HHIP: variants seen among roughly 807,000 people sequenced by gnomAD.
The protein encoded by HHIP is hedgehog interacting protein.
HHIP carries 12 observed loss-of-function variants against 74.0 expected under a neutral mutation model. The observed-to-expected ratio is 0.16, with a 90% CI of 0.10 to 0.26. The LOEUF (loss-of-function observed/expected upper bound fraction) is 0.26, where lower values mean the gene tolerates loss of function less well. HHIP is among the 10% of genes least tolerant of loss of function. HHIP has a pLI of 1.00. For missense variants in HHIP, 788 were observed against 845.0 expected, an observed-to-expected ratio of 0.93 and a Z score of 0.84; for synonymous variants, 309 against 311.6, an observed-to-expected ratio of 0.99 and a Z score of 0.09.
chr4:144,682,653 T>C (rs1057398050), intron 4 of HHIP, among the ~76,000 whole-genome samples: 3 of 152,270 alleles, frequency 2.0e-5, no homozygotes, highest in Admixed American at 1.3e-4. Context: ...ATTACTGCTA[T>C]TGACTATTAG....
Position 144,698,094 on chromosome 4 carries a change from C to T in HHIP, c.832-8437C>T, listed in dbSNP as rs17019632. On this transcript the variant is annotated intron_variant, in intron 4 of 12. Coordinates refer to ENST00000296575, the MANE Select transcript of HHIP (RefSeq NM_022475.3). ...GAAAATCCTAAACATAGATTTGACACGGACCAATCGCTACATACCAGAGAT... is the reference window on the plus strand; with the variant it reads ...GAAAATCCTAAACATAGATTTGACATGGACCAATCGCTACATACCAGAGAT... Among the ~76,000 whole-genome samples the T allele has an allele frequency of 5.9e-3, 898 of 152,232 alleles. 8 individuals are homozygous for T. Among genetic ancestry groups the T allele is most frequent in the African/African-American group, 0.021 (866 of 41,542 alleles).
chr4:144,689,425 T>C (rs1729582944), intron 4 of HHIP, among the ~76,000 whole-genome samples: 1 of 152,202 alleles, frequency 6.6e-6, no homozygotes, highest in Non-Finnish European at 1.5e-5. Flanking sequence ...GCTTAATACT[T>C]TGCCTGATGT....
rs571861447 is a variant in HHIP, at chr4:144,721,626, C to A, written c.1760+2670C>A. On this transcript the variant is annotated intron_variant, in intron 11 of 12. Coordinates refer to ENST00000296575, the MANE Select transcript of HHIP (RefSeq NM_022475.3). ...AAAAAAAAAAAACTTCCAGGCCGGG[C>A]GTGGTGGCTCACGCCTGTAATCCCA... 2.0e-5 allele frequency among the ~76,000 whole-genome samples: 3 copies of A among 149,464 alleles called. No individual in the cohort carries two copies. The East Asian group carries it at 5.9e-4, about 29-fold the overall frequency.
chr4:144,691,111 T>C (rs1560707939), intron 4 of HHIP, among the ~76,000 whole-genome samples: 2 of 152,160 alleles, frequency 1.3e-5, no homozygotes, highest in South Asian at 4.1e-4. Context: ...CAGACAATCT[T>C]ACATGCATCT....
intron 4 of HHIP, among the ~76,000 whole-genome samples, chr4:144,683,822 A>T (rs1729408221): frequency 6.6e-6 from 1 of 152,144 alleles, no homozygotes; most frequent in African/African-American, 2.4e-5. Context: ...ATTTAATATT[A>T]TATCTGGCTC....
chr4:144,705,662 T>G (rs1560713216), intron 4 of HHIP, among the ~76,000 whole-genome samples: 1 of 152,218 alleles, frequency 6.6e-6, no homozygotes, highest in Non-Finnish European at 1.5e-5. Flanking sequence ...TTCAACAAGT[T>G]GAATTAGCAG....
intron 5 of HHIP, 55 bp from the exon 6 acceptor site, chr4:144,707,032 G>C: frequency 7.0e-7 from 1 of 1,430,862 alleles, no homozygotes; most frequent in East Asian, 2.3e-5. Flanking sequence ...ACTTTCTGAT[G>C]GACTCATCTT....
chr4:144,736,467 A>G (rs1357550662), intron 12 of HHIP, among the ~76,000 whole-genome samples: 3 of 152,140 alleles, frequency 2.0e-5, no homozygotes, highest in South Asian at 2.1e-4. Flanking sequence ...AATATAACAT[A>G]AAGTGTCCAT....
At position 144,742,858 on chromosome 4, in the gene HHIP, T is replaced by TG. The variant is rs1731290157; in HGVS notation, c.*4901_*4902insG. 7.2e-6 allele frequency: 1 copy of TG among 138,580 alleles called. No individual in the cohort carries two copies. The highest frequency in any genetic ancestry group is 1.5e-5 in the Non-Finnish European group (1 of 65,702). 8.6% of individuals were successfully genotyped at this position (138,580 alleles called of 1,614,324 possible). On this transcript the variant is annotated 3_prime_UTR_variant, in exon 13 of 13. Transcript: ENST00000296575. ...TTATATATATATCTTTATATATATATCTTATATATATATCTTTTTATATAT... is the reference window on the plus strand; with the variant it reads ...TTATATATATATCTTTATATATATATGCTTATATATATATCTTTTTATATAT...
intron 4 of HHIP, among the ~76,000 whole-genome samples, chr4:144,686,928 C>T (rs553690007): frequency 7.2e-5 from 11 of 151,996 alleles, no homozygotes; most frequent in East Asian, 1.9e-4. Flanking sequence ...AAAAGAAAGA[C>T]GCTTAGCCTC....
At chr4:144,651,344 T>C (rs1451674485) in intron 1 of HHIP, among the ~76,000 whole-genome samples, 1 of 152,064 alleles carries the variant, frequency 6.6e-6, no homozygotes, top group African/African-American at 2.4e-5. Flanking sequence ...CTATTGGACT[T>C]GCTGCATACT....
chr4:144,685,539 T>C (rs887352712), intron 4 of HHIP: 8 of 152,260 alleles, frequency 5.3e-5, no homozygotes, highest in Non-Finnish European at 1.0e-4. Context: ...AGTTAGTATC[T>C]TATGCCTGAT....
rs536734368 is a variant in HHIP, at chr4:144,741,125, A to C, written c.*3168A>C. 1 of 121,774 alleles carries C rather than the reference A, an allele frequency of 8.2e-6. No individual in the cohort carries two copies. The highest frequency in any genetic ancestry group is 1.7e-5 in the Non-Finnish European group (1 of 59,250). The allele number at this position is 121,774 out of a possible 1,614,324, so 7.5% of individuals were successfully genotyped here. ...AACTTTTCTTCTTGGATTTTTTTCAATGTAATTATTGTAAAATATATTTTT... is the reference window on the plus strand; with the variant it reads ...AACTTTTCTTCTTGGATTTTTTTCACTGTAATTATTGTAAAATATATTTTT... On this transcript the variant is annotated 3_prime_UTR_variant, in exon 13 of 13. Transcript: ENST00000296575.
intron 11 of HHIP, among the ~76,000 whole-genome samples, chr4:144,723,102 T>C (rs1730683912): frequency 6.6e-6 from 1 of 152,210 alleles, no homozygotes. Flanking sequence ...CCAGAGTTTA[T>C]GTTTCTAGGA....
intron 4 of HHIP, among the ~76,000 whole-genome samples, chr4:144,699,532 T>C (rs146700288): frequency 1.2e-4 from 19 of 152,084 alleles, no homozygotes; most frequent in Admixed American, 4.6e-4. Flanking sequence ...GGTTGTGGGG[T>C]AGGCTGAAAG....
At chr4:144,678,696 T>G (rs1329795498) in intron 4 of HHIP, among the ~76,000 whole-genome samples, 2 of 152,176 alleles carry the variant, frequency 1.3e-5, no homozygotes, top group Non-Finnish European at 2.9e-5. Flanking sequence ...TCCAGCTTCA[T>G]CCATGTCCCT....
At chr4:144,650,591 G>T (rs903838917) in intron 1 of HHIP, 6 of 152,050 alleles carry the variant, frequency 3.9e-5, no homozygotes, top group African/African-American at 1.4e-4. Flanking sequence ...CAGTTTAATT[G>T]ACTTCAGTAA....
chr4:144,716,413 G>A (rs1165461770), intron 10 of HHIP, among the ~76,000 whole-genome samples: 2 of 152,114 alleles, frequency 1.3e-5, no homozygotes, highest in African/African-American at 4.8e-5. Flanking sequence ...TCTATTCTTT[G>A]CTTGTTCCAG....
chr4:144,710,054 A>C (rs946193051), intron 7 of HHIP, among the ~76,000 whole-genome samples: 1 of 152,142 alleles, frequency 6.6e-6, no homozygotes, highest in East Asian at 1.9e-4. Flanking sequence ...AGAGAGTTTC[A>C]CTGGCAGGGC....
Sources: allele counts gnomAD v4.1 joint callset (sites outside exome capture counted in the v4.1 genomes callset), GRCh38; gene constraint gnomAD v4.1.1; transcripts MANE v1.5; gene names NCBI Gene and HGNC (gene_info 2026-07-23, HGNC 2026-07-21).